The following PCDH9 variants were observed in gnomAD, a reference collection of about 807,000 sequenced individuals.
PCDH9 encodes protocadherin-9.
PCDH9 carries 24 observed loss-of-function variants against 70.6 expected under a neutral mutation model. The observed-to-expected ratio is 0.34, with a 90% CI of 0.25 to 0.48. PCDH9 has a LOEUF of 0.48. Among genes scored for constraint, PCDH9 ranks in the 20% least tolerant of loss-of-function variants. PCDH9 has a pLI of 0.99. For missense variants in PCDH9, 1,281 were observed against 1,503.6 expected, an observed-to-expected ratio of 0.85 and a Z score of 2.45; for synonymous variants, 562 against 558.5, an observed-to-expected ratio of 1.01 and a Z score of -0.09.
intron 3 of PCDH9, among the ~76,000 whole-genome samples, chr13:66,776,962 C>G (rs1212545368): frequency 6.6e-6 from 1 of 150,688 alleles, no homozygotes; most frequent in Non-Finnish European, 1.5e-5. Flanking sequence ...ACACAGCCCT[C>G]AGAAATAACG....
At chr13:66,696,783 CTTTTTTTTTT>C (rs34598874) in intron 3 of PCDH9, among the ~76,000 whole-genome samples, 2 of 126,124 alleles carry the variant, frequency 1.6e-5, no homozygotes, top group Non-Finnish European at 3.2e-5. Flanking sequence ...TTCAGGCAAA[CTTTTTTTTTT>C]TTTTTTTTTT....
chr13:67,020,123 G>A (rs1012020839), intron 2 of PCDH9, among the ~76,000 whole-genome samples: 2 of 152,018 alleles, frequency 1.3e-5, no homozygotes, highest in Non-Finnish European at 2.9e-5. Flanking sequence ...TTTTGAGTCT[G>A]TGTCTGTAGT....
At chr13:66,833,815 A>T (rs1274093533) in intron 3 of PCDH9, among the ~76,000 whole-genome samples, 1 of 152,194 alleles carries the variant, frequency 6.6e-6, no homozygotes, top group Admixed American at 6.5e-5. Context: ...CGAAGAAACC[A>T]GTTTTATAAA....
At chr13:66,392,483 A>G (rs1957034796) in intron 4 of PCDH9, among the ~76,000 whole-genome samples, 1 of 152,190 alleles carries the variant, frequency 6.6e-6, no homozygotes, top group South Asian at 2.1e-4. Flanking sequence ...TAATACTACC[A>G]TTCTCCCCAG....
intron 4 of PCDH9, among the ~76,000 whole-genome samples, chr13:66,335,564 T>C (rs1956024202): frequency 6.6e-6 from 1 of 152,150 alleles, no homozygotes; most frequent in Non-Finnish European, 1.5e-5. Context: ...TAGGTCTTTT[T>C]ATTCTTATTT....
chr13:66,475,175 G>A (rs1958699124), intron 4 of PCDH9, among the ~76,000 whole-genome samples: 1 of 152,074 alleles, frequency 6.6e-6, no homozygotes, highest in Non-Finnish European at 1.5e-5. Context: ...ACAGAGGAAA[G>A]CATTTGTTGT....
intron 2 of PCDH9, among the ~76,000 whole-genome samples, chr13:67,105,946 T>C (rs939182251): frequency 1.3e-5 from 2 of 151,322 alleles, no homozygotes; most frequent in Admixed American, 6.6e-5. Flanking sequence ...TATATATCTA[T>C]ATATTAGTTT....
At chr13:66,737,924 C>T (rs914914413) in intron 3 of PCDH9, among the ~76,000 whole-genome samples, 110 of 151,954 alleles carry the variant, frequency 7.2e-4, no homozygotes, top group Admixed American at 2.1e-3. Flanking sequence ...GGGGGAGGGG[C>T]GCCCGCCATT....
In PCDH9 at chr13:66,473,303, T is replaced by C. The variant is rs574365462; in HGVS notation, c.3340+157907A>G. Among the ~76,000 whole-genome samples, 15 of 152,214 alleles carry C rather than the reference T, an allele frequency of 9.9e-5. No homozygotes were observed. The South Asian group carries it at 3.1e-3, about 32-fold the overall frequency. On this transcript the variant is annotated intron_variant, in intron 4 of 4. Transcript: ENST00000377865. ...AAATAGCAGGGAATGGGAATTGATA[T>C]ATCGATATTTGCTATGCTTACTTTC... is the stretch of plus-strand genomic sequence containing the variant.
intron 2 of PCDH9, among the ~76,000 whole-genome samples, chr13:66,992,902 TAAA>T (rs35934997): frequency 7.2e-5 from 10 of 139,026 alleles, no homozygotes; most frequent in Admixed American, 7.2e-5. Flanking sequence ...CTCTGACTCC[TAAA>T]AAAAAAAAAA....
intron 3 of PCDH9, among the ~76,000 whole-genome samples, chr13:66,706,070 T>C (rs2078707407): frequency 1.3e-5 from 2 of 152,164 alleles, no homozygotes; most frequent in South Asian, 4.1e-4. Flanking sequence ...ACTATGTAAA[T>C]GAGCAGTCGT....
intron 4 of PCDH9, among the ~76,000 whole-genome samples, chr13:66,594,680 C>T (rs1346451564): frequency 6.6e-6 from 1 of 151,328 alleles, no homozygotes; most frequent in Non-Finnish European, 1.5e-5. Context: ...CATCAGGTCC[C>T]AGTGTGTGTT....
At chr13:66,937,363 G>C (rs1363377930) in intron 2 of PCDH9, among the ~76,000 whole-genome samples, 1 of 152,174 alleles carries the variant, frequency 6.6e-6, no homozygotes, top group Non-Finnish European at 1.5e-5. Context: ...TTAGTTATCT[G>C]AAGTCGTTAT....
intron 2 of PCDH9, among the ~76,000 whole-genome samples, chr13:67,001,581 A>G (rs912153304): frequency 4.6e-5 from 7 of 152,166 alleles, no homozygotes; most frequent in African/African-American, 1.7e-4. Context: ...TGGTTTAATT[A>G]GGACCAGTGT....
intron 3 of PCDH9, among the ~76,000 whole-genome samples, chr13:66,633,625 A>G (rs1015767891): frequency 1.3e-5 from 2 of 152,136 alleles, no homozygotes; most frequent in African/African-American, 4.8e-5. Flanking sequence ...TGTCTTTGGT[A>G]TTATCTCTTG....
chr13:66,982,220 G>A (rs2083787969), intron 2 of PCDH9, among the ~76,000 whole-genome samples: 1 of 152,112 alleles, frequency 6.6e-6, no homozygotes, highest in Non-Finnish European at 1.5e-5. Context: ...CCTAGAAACC[G>A]AGCGATGTCA....
At chr13:66,820,252 A>G (rs2080686906) in intron 3 of PCDH9, among the ~76,000 whole-genome samples, 1 of 152,190 alleles carries the variant, frequency 6.6e-6, no homozygotes, top group African/African-American at 2.4e-5. Flanking sequence ...TGTATTAAAT[A>G]CTACTGCAAG....
chr13:66,360,339 T>C (rs1956449429), intron 4 of PCDH9, among the ~76,000 whole-genome samples: 2 of 152,244 alleles, frequency 1.3e-5, no homozygotes, highest in Admixed American at 6.5e-5. Flanking sequence ...GGTCAGCATA[T>C]GCAAAACGAA....
In PCDH9 at chr13:66,742,582, G is replaced by C. The variant is rs1304593623; in HGVS notation, c.3139-111171C>G. Among the ~76,000 whole-genome samples, 31 of 138,624 alleles carry C rather than the reference G, an allele frequency of 2.2e-4. 2 individuals carry two copies. Among genetic ancestry groups the C allele is most frequent in the African/African-American group, 6.6e-4 (24 of 36,480 alleles). 90.9% of individuals were successfully genotyped at this position (138,624 alleles called of 152,430 possible). ...ACCTACAACATGGGAGAAAATTTTC[G>C]CAACCTACTCATCTGACAAAGGGCT... On this transcript the variant is annotated intron_variant, in intron 3 of 4. Transcript: ENST00000377865.
Sources: gnomAD v4.1 joint callset for allele counts (sites outside exome capture counted in the v4.1 genomes callset) on GRCh38, gnomAD v4.1.1 for gene constraint, MANE v1.5 for transcripts, NCBI Gene and HGNC (gene_info 2026-07-23, HGNC 2026-07-21) for gene names.